The following TLR7 variants were observed in gnomAD, a reference collection of about 807,000 sequenced individuals.
TLR7 encodes the protein toll like receptor 7, also known as toll-like receptor 7.
A neutral mutation model predicts 38.3 loss-of-function variants in TLR7; 12 were observed. That is an observed-to-expected ratio of 0.31 (90% CI 0.20 to 0.51). The LOEUF (loss-of-function observed/expected upper bound fraction) is 0.51, where lower values mean the gene tolerates loss of function less well. Among genes scored for constraint, TLR7 ranks in the 20% least tolerant of loss-of-function variants. The pLI is 0.98. For synonymous variants in TLR7, 285 were observed against 293.8 expected, an observed-to-expected ratio of 0.97 and a Z score of 0.31; for missense variants, 504 against 743.4, an observed-to-expected ratio of 0.68 and a Z score of 3.74.
rs148118720 is a variant in TLR7 at position 12,884,654 on chromosome X, G to A, written c.4-858G>A. Among the ~76,000 whole-genome samples the A allele has an allele frequency of 4.4e-3, 490 of 112,079 alleles. 3 individuals are homozygous for A. The highest frequency in any genetic ancestry group is 0.015 in the African/African-American group (469 of 30,859). ...GTTTCCCATATGTCCCAGTTTGCCT[G>A]ACAGACTCTTGGTTTATGCCTATAG... On this transcript the variant is annotated intron_variant, in intron 2 of 2. Transcript: ENST00000380659.
Position 12,886,689 on chromosome X carries a change from A to G in TLR7, c.1181A>G (p.His394Arg). The G allele has an allele frequency of 8.3e-7, 1 of 1,211,883 alleles. No individual in the cohort carries two copies. The highest frequency in any genetic ancestry group is 1.1e-6 in the Non-Finnish European group (1 of 895,470). ...AAAAGCTTTAACCTCTCGCCATTAC[A>G]TAATCTTCAAAATCTTGAAGTTCTT... is the stretch of plus-strand genomic sequence containing the variant. ...ELKSFNLSPLHNLQNLEVLDL... is the reference protein window; with the variant it reads ...ELKSFNLSPLRNLQNLEVLDL... The change falls in exon 3 of 3, where the codon CAT becomes CGT. Residue 394 changes from histidine (H) to arginine (R), a missense_variant. His to Arg is a conservative substitution (Grantham distance 29). Transcript: ENST00000380659.
At chrX:12,879,812 C>T (rs1333413177) in intron 2 of TLR7, among the ~76,000 whole-genome samples, 2 of 111,729 alleles carry the variant, frequency 1.8e-5, no homozygotes, top group African/African-American at 3.3e-5. Context: ...GTGGTATATG[C>T]CCAACTACAA....
chrX:12,888,247 G>A lies in TLR7; in HGVS notation c.2739G>A (p.Val913=), dbSNP rs377234724. Residue 913 remains valine, a synonymous_variant, in exon 3 of 3, where the codon GTG becomes GTA. Coordinates refer to ENST00000380659, the MANE Select transcript of TLR7 (RefSeq NM_016562.4). Reference sequence around the variant, plus strand: ...CCGAGTGGGTTTTGGCTGAGCTGGTGGCCAAACTGGAAGACCCAAGAGAGA... The same window carrying A: ...CCGAGTGGGTTTTGGCTGAGCTGGTAGCCAAACTGGAAGACCCAAGAGAGA... ...AVTEWVLAEL[V]AKLEDPREKH... is the part of the protein sequence containing the mutation. 10 of 1,209,574 alleles carry A rather than the reference G, an allele frequency of 8.3e-6. No homozygotes were observed. The African/African-American group carries it at 8.8e-5, about 11-fold the overall frequency.
At chrX:12,872,253 T>C (rs747649623) in intron 2 of TLR7, among the ~76,000 whole-genome samples, 3 of 111,956 alleles carry the variant, frequency 2.7e-5, no homozygotes, top group African/African-American at 9.7e-5. Context: ...AATCATATAC[T>C]GCTTTCTATC....
At position 12,878,350 on chromosome X, in the gene TLR7, T is replaced by A. The variant is rs150917297; in HGVS notation, c.4-7162T>A. On this transcript the variant is annotated intron_variant, in intron 2 of 2. Transcript: ENST00000380659. Reference sequence around the variant, plus strand: ...CTATTGTTGTTGTTGCTGTTGTTTTTTAATGACCTGTGAGCTAAGAATGGG... The same window carrying A: ...CTATTGTTGTTGTTGCTGTTGTTTTATAATGACCTGTGAGCTAAGAATGGG... Among the ~76,000 whole-genome samples, 430 of 112,151 alleles carry A rather than the reference T, an allele frequency of 3.8e-3. 4 individuals are homozygous for A. The highest frequency in any genetic ancestry group is 0.014 in the African/African-American group (420 of 30,838).
rs2042914125 is a variant in TLR7 at position 12,886,987 on chromosome X, G to C, written c.1479G>C (p.Lys493Asn). Reference protein sequence around the residue: ...SFMSVNESCYKYGQTLDLSKN... With the variant: ...SFMSVNESCYNYGQTLDLSKN... ...TGTCTGTTAATGAAAGCTGCTACAAGTATGGGCAGACCTTGGATCTAAGTA... is the reference window on the plus strand; with the variant it reads ...TGTCTGTTAATGAAAGCTGCTACAACTATGGGCAGACCTTGGATCTAAGTA... Residue 493 changes from lysine to asparagine, a missense_variant, in exon 3 of 3, where the codon AAG becomes AAC. By Grantham distance (94) the Lys-to-Asn change is moderately conservative. Coordinates refer to ENST00000380659, the MANE Select transcript of TLR7 (RefSeq NM_016562.4). The C allele has an allele frequency of 1.5e-5, 18 of 1,211,738 alleles. No individual in the cohort carries two copies. Among genetic ancestry groups the C allele is most frequent in the Non-Finnish European group, 2.0e-5 (18 of 895,361 alleles).
In TLR7 at chrX:12,888,479, C is replaced by A. The variant is rs750434070; in HGVS notation, c.2971C>A (p.Leu991Ile). 1.7e-6 allele frequency: 2 copies of A among 1,211,595 alleles called. No individual in the cohort carries two copies. The highest frequency in any genetic ancestry group is 2.2e-6 in the Non-Finnish European group (2 of 895,383). The change falls in exon 3 of 3, where the codon CTT (leucine) becomes ATT (isoleucine). Residue 991 changes from leucine (L) to isoleucine (I), a missense_variant. Coordinates refer to ENST00000380659, the MANE Select transcript of TLR7 (RefSeq NM_016562.4). Reference protein sequence around the residue: ...EKVDVIILIFLEKPFQKSKFL... With the variant: ...EKVDVIILIFIEKPFQKSKFL... Reference sequence around the variant, plus strand: ...AGTTGATGTGATTATCTTGATATTTCTTGAGAAGCCCTTTCAGAAGTCCAA... The same window carrying A: ...AGTTGATGTGATTATCTTGATATTTATTGAGAAGCCCTTTCAGAAGTCCAA...
intron 2 of TLR7, among the ~76,000 whole-genome samples, chrX:12,873,797 T>C (rs1176307561): frequency 8.9e-6 from 1 of 112,360 alleles, no homozygotes; most frequent in Non-Finnish European, 1.9e-5. Context: ...GTTATTTTAA[T>C]GCTGCTTTAA....
At chrX:12,871,407 G>A (rs2042851991) in intron 2 of TLR7, among the ~76,000 whole-genome samples, 1 of 112,017 alleles carries the variant, frequency 8.9e-6, no homozygotes, top group Non-Finnish European at 1.9e-5. Context: ...ACAATTCAGT[G>A]TGATATAAAC....
chrX:12,874,768 A>C (rs2042864944), intron 2 of TLR7, among the ~76,000 whole-genome samples: 1 of 111,963 alleles, frequency 8.9e-6, no homozygotes, highest in African/African-American at 3.3e-5. Context: ...GACTAATCCC[A>C]GTCTTCTTCT....
rs150313957 is a variant in TLR7, at chrX:12,885,888, C to T, written c.380C>T (p.Thr127Ile). The T allele has an allele frequency of 7.0e-5, 85 of 1,210,355 alleles. No individual in the cohort carries two copies. In the African/African-American group the frequency reaches 1.3e-3, roughly 19 times the overall value. The change falls in exon 3 of 3, where the codon ACT (threonine) becomes ATT (isoleucine). Residue 127 changes from threonine (T) to isoleucine (I), a missense_variant. By Grantham distance (89) the Thr-to-Ile change is moderately conservative. Coordinates refer to ENST00000380659, the MANE Select transcript of TLR7 (RefSeq NM_016562.4). The stretch of plus-strand genomic sequence containing the variant: ...AAACCCAGAAGCTTTAGTGGACTCA[C>T]TTATTTAAAATCCCTTTACCTGGAT... ...QIKPRSFSGL[T>I]YLKSLYLDGN...
chrX:12,888,812 A>G lies in TLR7; in HGVS notation c.*154A>G. ...GGGAGCCACCAACGTCTGTCACAGG[A>G]GTTGGAAAGATGGGGTTTATATAAT... On this transcript the variant is annotated 3_prime_UTR_variant, in exon 3 of 3. Transcript: ENST00000380659. The G allele has an allele frequency of 1.8e-6, 1 of 544,634 alleles. No homozygotes were observed. Among genetic ancestry groups the G allele is most frequent in the Non-Finnish European group, 2.8e-6 (1 of 354,789 alleles). 44.9% of individuals were successfully genotyped at this position (544,634 alleles called of 1,213,427 possible).
intron 2 of TLR7, among the ~76,000 whole-genome samples, chrX:12,873,615 A>G (rs1459657335): frequency 8.9e-6 from 1 of 112,284 alleles, no homozygotes; most frequent in Non-Finnish European, 1.9e-5. Flanking sequence ...GTCAAAGAGT[A>G]GAGAAGGGTA....
chrX:12,872,503 A>G (rs182527180), intron 2 of TLR7, among the ~76,000 whole-genome samples: 1 of 110,796 alleles, frequency 9.0e-6, no homozygotes, highest in East Asian at 2.8e-4. Flanking sequence ...TACAAGGGTG[A>G]TGACTCAGGA....
At chrX:12,883,593 G>A (rs1303300203) in intron 2 of TLR7, among the ~76,000 whole-genome samples, 1 of 111,577 alleles carries the variant, frequency 9.0e-6, no homozygotes, top group Admixed American at 9.6e-5. Context: ...GAGGTGGGAC[G>A]ATCGCTTGAG....
intron 2 of TLR7, among the ~76,000 whole-genome samples, chrX:12,874,184 G>T (rs776675338): frequency 3.6e-5 from 4 of 110,759 alleles, no homozygotes; most frequent in South Asian, 7.8e-4. Context: ...GCTGGGAGTG[G>T]TGGCGGCTGT....
At chrX:12,874,274 C>T (rs917748680) in intron 2 of TLR7, among the ~76,000 whole-genome samples, 5 of 111,138 alleles carry the variant, frequency 4.5e-5, no homozygotes, top group African/African-American at 9.8e-5. Flanking sequence ...GATCCAAGAT[C>T]GGGCCAGTGT....
chrX:12,867,622 A>G, intron 2 of TLR7, 41 bp downstream of exon 2: 1 of 1,175,601 alleles, frequency 8.5e-7, no homozygotes, highest in South Asian at 1.8e-5. Context: ...GTTATCTGTA[A>G]TCTTTGTGGA....
intron 2 of TLR7, among the ~76,000 whole-genome samples, chrX:12,881,400 T>C (rs948449888): frequency 3.0e-5 from 3 of 100,031 alleles, no homozygotes; most frequent in African/African-American, 1.4e-4. Context: ...ATAAATGAGT[T>C]ATTTATTCTT....
Sources: gnomAD v4.1 joint callset for allele counts (sites outside exome capture counted in the v4.1 genomes callset) on GRCh38, gnomAD v4.1.1 for gene constraint, MANE v1.5 for transcripts, NCBI Gene and HGNC (gene_info 2026-07-23, HGNC 2026-07-21) for gene names.